ARHGEF10L: variants seen among roughly 807,000 people sequenced by gnomAD.
The protein encoded by ARHGEF10L is rho guanine nucleotide exchange factor 10-like protein.
A neutral mutation model predicts 141.2 loss-of-function variants in ARHGEF10L; 69 were observed. That is an observed-to-expected ratio of 0.49 (90% CI 0.40 to 0.60). The LOEUF (loss-of-function observed/expected upper bound fraction) is 0.60. Among genes scored for constraint, ARHGEF10L ranks in the 20% least tolerant of loss-of-function variants. The pLI is 0.00. For missense variants in ARHGEF10L, 1,482 were observed against 1,734.3 expected (o/e 0.85, Z 2.58); for synonymous variants, 711 against 718.5 (o/e 0.99, Z 0.17).
intron 1 of ARHGEF10L, among the ~76,000 whole-genome samples, chr1:17,576,123 A>T (rs573913703): frequency 6.6e-6 from 1 of 151,396 alleles, no homozygotes; most frequent in South Asian, 2.1e-4. Context: ...TTCTTCCTCC[A>T]GGCCTCATTC....
At chr1:17,693,224 G>C (rs1488176900) in intron 27 of ARHGEF10L, among the ~76,000 whole-genome samples, 1 of 152,224 alleles carries the variant, frequency 6.6e-6, no homozygotes, top group Non-Finnish European at 1.5e-5. Context: ...ACATGTGGCT[G>C]ATGGCTGTCA....
At chr1:17,543,189 C>T (rs1343642889) in intron 1 of ARHGEF10L, among the ~76,000 whole-genome samples, 2 of 152,122 alleles carry the variant, frequency 1.3e-5, no homozygotes, top group Non-Finnish European at 2.9e-5. Context: ...CTGCCGGGTC[C>T]TGGGCAGTGG....
intron 18 of ARHGEF10L, among the ~76,000 whole-genome samples, chr1:17,635,641 C>A (rs1471992288): frequency 6.6e-6 from 1 of 152,194 alleles, no homozygotes; most frequent in Non-Finnish European, 1.5e-5. Context: ...TTTTCTTATG[C>A]CCTCATGCTG....
chr1:17,560,012 T>C (rs2077484480), intron 1 of ARHGEF10L, among the ~76,000 whole-genome samples: 1 of 152,140 alleles, frequency 6.6e-6, no homozygotes, highest in East Asian at 1.9e-4. Flanking sequence ...AGGTAAATAT[T>C]AACCCACACG....
At chr1:17,695,895 T>C (rs1195130672) in intron 28 of ARHGEF10L, among the ~76,000 whole-genome samples, 2 of 152,142 alleles carry the variant, frequency 1.3e-5, no homozygotes, top group Non-Finnish European at 2.9e-5. Flanking sequence ...CAAGTCCTTC[T>C]GATAAAGAAG....
Position 17,561,092 on chromosome 1 carries a change from T to C in ARHGEF10L, c.-43-19461T>C, listed in dbSNP as rs547941402. On this transcript the variant is annotated intron_variant, in intron 1 of 28. Coordinates refer to ENST00000361221, the MANE Select transcript of ARHGEF10L (RefSeq NM_018125.4). ...CTCCAAAGATGGGAATAACAAGCCT[T>C]ACTTCAGAGTGCATTGTGAGGCTAA... Among the ~76,000 whole-genome samples, 7 of 152,332 alleles carry C rather than the reference T, an allele frequency of 4.6e-5. No individual in the cohort carries two copies. The South Asian group carries it at 1.4e-3, about 32-fold the overall frequency.
At chr1:17,641,832 T>G (rs2061342825) in intron 21 of ARHGEF10L, among the ~76,000 whole-genome samples, 1 of 150,232 alleles carries the variant, frequency 6.7e-6, no homozygotes, top group African/African-American at 2.5e-5. Context: ...TACAAAAAAA[T>G]TAGCCAGACA....
intron 1 of ARHGEF10L, among the ~76,000 whole-genome samples, chr1:17,557,606 G>A (rs1266357931): frequency 6.6e-6 from 1 of 152,186 alleles, no homozygotes. Flanking sequence ...GGCTGGGACC[G>A]CGGAATCCCC....
intron 27 of ARHGEF10L, among the ~76,000 whole-genome samples, chr1:17,693,815 A>G (rs1470906056): frequency 6.6e-6 from 1 of 152,222 alleles, no homozygotes; most frequent in African/African-American, 2.4e-5. Context: ...ACCTTCTGGA[A>G]TGCAGCCTAA....
chr1:17,644,003 C>T lies in ARHGEF10L; in HGVS notation c.2272+3701C>T, dbSNP rs1056752426. Among the ~76,000 whole-genome samples the T allele has an allele frequency of 8.5e-5, 13 of 152,176 alleles. No individual in the cohort carries two copies. Among genetic ancestry groups the T allele is most frequent in the African/African-American group, 1.4e-4 (6 of 41,452 alleles). On this transcript the variant is annotated intron_variant, in intron 21 of 28. Coordinates refer to ENST00000361221, the MANE Select transcript of ARHGEF10L (RefSeq NM_018125.4). This position sits in a 1 kb window ranked among gnomAD's most constrained non-coding sequence, Gnocchi z 4.5. ...CTCATTTCCCTCCTGTACCCTCCCC[C>T]GCCACCACCTGCTCTGCTCACAAAG...
chr1:17,585,217 C>G (rs554238758), intron 2 of ARHGEF10L, among the ~76,000 whole-genome samples: 3 of 152,156 alleles, frequency 2.0e-5, no homozygotes, highest in Non-Finnish European at 2.9e-5. Flanking sequence ...CACCCAAGCC[C>G]TTTCTGTCAG....
upstream of ARHGEF10L, among the ~76,000 whole-genome samples, chr1:17,535,930 G>C (rs191746568): frequency 2.0e-5 from 3 of 152,336 alleles, no homozygotes; most frequent in Admixed American, 2.0e-4. Context: ...CAGTCCGGGG[G>C]GGAGACATGG....
the ARHGEF10L span, among the ~76,000 whole-genome samples, chr1:17,531,340 G>T: frequency 6.6e-6 from 1 of 152,138 alleles, no homozygotes; most frequent in African/African-American, 2.4e-5. Context: ...CCACTAGGTG[G>T]GTCAACATGA....
chr1:17,601,059 A>C (rs968947023), intron 4 of ARHGEF10L, among the ~76,000 whole-genome samples: 1 of 149,030 alleles, frequency 6.7e-6, no homozygotes, highest in Admixed American at 6.6e-5. Context: ...CAAAAAAAAA[A>C]AAAAAAAAAC....
chr1:17,643,342 G>C (rs2061423715), intron 21 of ARHGEF10L, among the ~76,000 whole-genome samples: 1 of 152,212 alleles, frequency 6.6e-6, no homozygotes, highest in South Asian at 2.1e-4. Flanking sequence ...TGCGATCTGG[G>C]AGAGGGGATC....
intron 26 of ARHGEF10L, among the ~76,000 whole-genome samples, chr1:17,681,144 T>A (rs1281516244): frequency 6.6e-6 from 1 of 152,226 alleles, no homozygotes; most frequent in African/African-American, 2.4e-5. Context: ...ACACAGATAT[T>A]CTTCACCCAG....
chr1:17,677,171 G>T (rs761962094), intron 26 of ARHGEF10L, among the ~76,000 whole-genome samples: 1 of 152,136 alleles, frequency 6.6e-6, no homozygotes, highest in African/African-American at 2.4e-5. Context: ...GTGAGGAGCC[G>T]ATAGGAGTTT....
Position 17,625,360 on chromosome 1 carries a change from G to A in ARHGEF10L, c.1318-596G>A, listed in dbSNP as rs2060324012. Among the ~76,000 whole-genome samples the A allele has an allele frequency of 1.3e-5, 2 of 152,214 alleles. No individual in the cohort carries two copies. ...GAGAAGGCCTGAGTGTGCACACTAAGAGGCGGCTGAGTTCAGTTGGGTGGT... is the reference window on the plus strand; with the variant it reads ...GAGAAGGCCTGAGTGTGCACACTAAAAGGCGGCTGAGTTCAGTTGGGTGGT... On this transcript the variant is annotated intron_variant, in intron 13 of 28. Coordinates refer to ENST00000361221, the MANE Select transcript of ARHGEF10L (RefSeq NM_018125.4). The surrounding 1 kb of genome is among the most constrained non-coding windows in gnomAD (Gnocchi z 4.5).
rs1481943920 is a variant in ARHGEF10L, at chr1:17,573,612, G to C, written c.-43-6941G>C. 6.6e-6 allele frequency among the ~76,000 whole-genome samples: 1 copy of C among 152,086 alleles called. No individual in the cohort carries two copies. The highest frequency in any genetic ancestry group is 2.4e-5 in the African/African-American group (1 of 41,426). On this transcript the variant is annotated intron_variant, in intron 1 of 28. Coordinates refer to ENST00000361221, the MANE Select transcript of ARHGEF10L (RefSeq NM_018125.4). This position sits in a 1 kb window ranked among gnomAD's most constrained non-coding sequence, Gnocchi z 4.8. ...AGAGCAGGAGGAGGAGGTAGAGGAG[G>C]GGGGCTGGAGATAGAGTCTGGGGCC...
Sources: gnomAD v4.1 joint callset for allele counts (sites outside exome capture counted in the v4.1 genomes callset) on GRCh38, gnomAD v4.1.1 for gene constraint, Gnocchi (gnomAD v3.1) non-coding constraint, MANE v1.5 for transcripts, NCBI Gene and HGNC (gene_info 2026-07-23, HGNC 2026-07-21) for gene names.